The following MEP1B variants were observed in gnomAD, a reference collection of about 807,000 sequenced individuals.
MEP1B encodes meprin A subunit beta, also known as N-benzoyl-L-tyrosyl-P-amino-benzoic acid hydrolase subunit beta.
Under a neutral mutation model 84.6 loss-of-function variants are expected in MEP1B, and 80 were observed. The ratio of observed to expected loss-of-function variants is 0.95; its 90% CI spans 0.79 to 1.14. The LOEUF (loss-of-function observed/expected upper bound fraction) is 1.14. Among genes scored for constraint, MEP1B ranks in the 50% most tolerant of loss-of-function variants. The pLI is 0.00. For synonymous variants in MEP1B, 273 were observed against 288.1 expected (o/e 0.95, Z 0.53); for missense variants, 766 against 855.1 (o/e 0.90, Z 1.30).
rs2041138583 is a variant in MEP1B at position 32,220,353 on chromosome 18, T to C, written c.*108T>C. The stretch of plus-strand genomic sequence containing the variant: ...CCTCATTCTTCTAAAAGTGGATATT[T>C]TTCTGTAAATAGCTGGAAATATTAT... On this transcript the variant is annotated 3_prime_UTR_variant, in exon 15 of 15. Transcript: ENST00000269202. The C allele has an allele frequency of 3.9e-6, 4 of 1,014,734 alleles. No homozygotes were observed. The highest frequency in any genetic ancestry group is 5.9e-6 in the Non-Finnish European group (4 of 675,192). 62.9% of individuals were successfully genotyped at this position (1,014,734 alleles called of 1,614,324 possible). A position where few individuals can be genotyped will look rare whatever the true frequency, so the allele number is the denominator to read the frequency against.
intron 5 of MEP1B, among the ~76,000 whole-genome samples, chr18:32,199,663 CG>C (rs1555706011): frequency 0.069 from 8,914 of 129,252 alleles, 434 homozygotes; most frequent in African/African-American, 0.08. Flanking sequence ...TTTTTCCTTT[CG>C]TTCGTTCCTT....
rs370391909 is a variant in MEP1B, at chr18:32,192,757, T to C, written c.128-17T>C. 36 of 1,612,890 alleles carry C rather than the reference T, an allele frequency of 2.2e-5. No homozygotes were observed. Among genetic ancestry groups the C allele is most frequent in the Admixed American group, 6.7e-5 (4 of 59,980 alleles). Reference sequence around the variant, plus strand: ...TGAATCCAATTTGCTAACATGAATTTTTATCTTTACTCTTAGGTTTGGGAC... The same window carrying C: ...TGAATCCAATTTGCTAACATGAATTCTTATCTTTACTCTTAGGTTTGGGAC... On this transcript the variant is annotated splice_polypyrimidine_tract_variant and intron_variant, in intron 3 of 14. Transcript: ENST00000269202.
intron 12 of MEP1B, among the ~76,000 whole-genome samples, chr18:32,215,689 T>C (rs1357204042): frequency 6.6e-6 from 1 of 152,010 alleles, no homozygotes; most frequent in Non-Finnish European, 1.5e-5. Flanking sequence ...CTGGGCGTGG[T>C]GGCGGGCGCC....
rs117657956 is a variant in MEP1B, at chr18:32,203,334, T to C, written c.368+324T>C. Among the ~76,000 whole-genome samples the C allele has an allele frequency of 5.9e-3, 899 of 152,310 alleles. 4 individuals carry two copies. Among genetic ancestry groups the C allele is most frequent in the Admixed American group, 0.013 (204 of 15,300 alleles). On this transcript the variant is annotated intron_variant, in intron 6 of 14. Coordinates refer to ENST00000269202, the MANE Select transcript of MEP1B (RefSeq NM_005925.3). Reference sequence around the variant, plus strand: ...AAACATGTGTATTTATGTGTGTCCATGTCTGTGCTTAAGCTTATTTTAACC... The same window carrying C: ...AAACATGTGTATTTATGTGTGTCCACGTCTGTGCTTAAGCTTATTTTAACC...
intron 7 of MEP1B, among the ~76,000 whole-genome samples, chr18:32,205,832 T>C (rs1272712279): frequency 6.6e-6 from 1 of 152,174 alleles, no homozygotes; most frequent in Admixed American, 6.5e-5. Context: ...TACAGTGATA[T>C]TTTGACATGT....
In MEP1B at chr18:32,198,397, G is replaced by A. The variant is rs16962809; in HGVS notation, c.250+2912G>A. 8.5e-3 allele frequency among the ~76,000 whole-genome samples: 1,295 copies of A among 152,324 alleles called. 22 individuals carry two copies. The highest frequency in any genetic ancestry group is 0.029 in the African/African-American group (1,213 of 41,562). On this transcript the variant is annotated intron_variant, in intron 5 of 14. Transcript: ENST00000269202. ...CAAGTGGAGCTGATACCAGGTTTAC[G>A]TTCTTTCTGTTCACCAGGAGGCATT...
At chr18:32,197,639 C>G (rs191565839) in intron 5 of MEP1B, among the ~76,000 whole-genome samples, 211 of 152,188 alleles carry the variant, frequency 1.4e-3, no homozygotes, top group African/African-American at 4.7e-3. Context: ...AGGCTGGTCT[C>G]GAATTCCTGG....
intron 14 of MEP1B, among the ~76,000 whole-genome samples, chr18:32,219,666 A>T (rs1468221445): frequency 1.3e-5 from 2 of 152,226 alleles, no homozygotes; most frequent in African/African-American, 2.4e-5. Context: ...AAACTTGCTT[A>T]GCAAGTAAAA....
rs79769399 is a variant in MEP1B, at chr18:32,216,038, A to C, written c.1759+777A>C. 1.1e-3 allele frequency among the ~76,000 whole-genome samples: 159 copies of C among 146,030 alleles called. 2 individuals are homozygous for C. The East Asian group carries it at 0.028, about 26-fold the overall frequency. On this transcript the variant is annotated intron_variant, in intron 12 of 14. Coordinates refer to ENST00000269202, the MANE Select transcript of MEP1B (RefSeq NM_005925.3). ...TATATATCTTGACAGAAATGACATTAATCTCTTGTTAGACTAATGTTAAAT... is the reference window on the plus strand; with the variant it reads ...TATATATCTTGACAGAAATGACATTCATCTCTTGTTAGACTAATGTTAAAT...
rs1447020910 is a variant in MEP1B at position 32,217,959 on chromosome 18, G to A, written c.2085G>A (p.Pro695=). 6.8e-6 allele frequency: 11 copies of A among 1,613,540 alleles called. No individual in the cohort carries two copies. Among genetic ancestry groups the A allele is most frequent in the Admixed American group, 1.7e-5 (1 of 59,988 alleles). ...GCTCAAATCGACCAAATTTGACTCC[G>A]CAAAATGTAAGTTGAGGCTGATGTT... ...RMSSNRPNLT[P]QNQHAF Residue 695 remains proline (P), a synonymous_variant, in exon 14 of 15, where the codon CCG becomes CCA. Coordinates refer to ENST00000269202, the MANE Select transcript of MEP1B (RefSeq NM_005925.3).
rs202103722 is a variant in MEP1B at position 32,204,275 on chromosome 18, C to T, written c.462C>T (p.Phe154=). The change falls in exon 7 of 15, where the codon TTC becomes TTT. Residue 154 remains phenylalanine, a synonymous_variant. Transcript: ENST00000269202. ...CDRIATVQHE[F]LHALGFWHEQ... is the part of the protein sequence containing the mutation. ...GAATAGCAACAGTTCAACACGAGTTCCTCCACGCTCTGGGATTCTGGCATG... is the reference window on the plus strand; with the variant it reads ...GAATAGCAACAGTTCAACACGAGTTTCTCCACGCTCTGGGATTCTGGCATG... 1.2e-6 allele frequency: 2 copies of T among 1,603,592 alleles called. No homozygotes were observed. The highest frequency in any genetic ancestry group is 3.4e-5 in the Admixed American group (2 of 58,716).
intron 13 of MEP1B, among the ~76,000 whole-genome samples, chr18:32,217,538 C>G (rs531603231): frequency 3.4e-4 from 51 of 152,222 alleles, no homozygotes; most frequent in African/African-American, 1.1e-3. Context: ...CTTGGAGATA[C>G]TGTTTTAGTA....
chr18:32,209,171 T>G (rs980975506), intron 9 of MEP1B, among the ~76,000 whole-genome samples: 15 of 152,210 alleles, frequency 9.9e-5, no homozygotes, highest in African/African-American at 3.6e-4. Flanking sequence ...TAGTGGAAAC[T>G]AAGCGAATAC....
chr18:32,204,440 A>T, intron 7 of MEP1B, 80 bp downstream of exon 7: 7 of 1,225,884 alleles, frequency 5.7e-6, no homozygotes, highest in Non-Finnish European at 8.0e-6. Context: ...ATCTGTGGCA[A>T]CTGTTAATAA....
At chr18:32,193,601 G>A (rs773393911) in intron 4 of MEP1B, among the ~76,000 whole-genome samples, 23 of 152,174 alleles carry the variant, frequency 1.5e-4, no homozygotes, top group South Asian at 6.2e-4. Context: ...AAAGAAAGAA[G>A]GCAATTTGAG....
chr18:32,198,133 T>C (rs2040874410), intron 5 of MEP1B, among the ~76,000 whole-genome samples: 1 of 152,162 alleles, frequency 6.6e-6, no homozygotes, highest in Non-Finnish European at 1.5e-5. Context: ...GGCAGTAAAC[T>C]CAACCTGGAT....
rs748020879 is a variant in MEP1B at position 32,190,152 on chromosome 18, G to T, written c.63+19G>T. 6.9e-6 allele frequency: 11 copies of T among 1,598,104 alleles called. No homozygotes were observed. Among genetic ancestry groups the T allele is most frequent in the South Asian group, 2.3e-5 (2 of 88,464 alleles). The stretch of plus-strand genomic sequence containing the variant: ...TGGCTTGGTAAGGAAACAGTATATA[G>T]AAGATAATTTAAAAATTTTGGGGCA... On this transcript the variant is annotated intron_variant, in intron 1 of 14. Coordinates refer to ENST00000269202, the MANE Select transcript of MEP1B (RefSeq NM_005925.3).
In MEP1B at chr18:32,193,001, T is replaced by C. The variant is rs190427719; in HGVS notation, c.171+184T>C. Among the ~76,000 whole-genome samples, 19 of 152,274 alleles carry C rather than the reference T, an allele frequency of 1.2e-4. No individual in the cohort carries two copies. The East Asian group carries it at 3.3e-3, about 26-fold the overall frequency. On this transcript the variant is annotated intron_variant, in intron 4 of 14. Coordinates refer to ENST00000269202, the MANE Select transcript of MEP1B (RefSeq NM_005925.3). The stretch of plus-strand genomic sequence containing the variant: ...CAAAGAAATGCATATAATTGTGTCT[T>C]CATCTTTCATTACTCATATTTCTGT...
At chr18:32,199,867 G>A (rs968940531) in intron 5 of MEP1B, among the ~76,000 whole-genome samples, 1 of 152,092 alleles carries the variant, frequency 6.6e-6, no homozygotes, top group Admixed American at 6.5e-5. Context: ...GTAGAGATGG[G>A]GTTTCACCAG....
Sources: gnomAD v4.1 joint callset for allele counts (sites outside exome capture counted in the v4.1 genomes callset) on GRCh38, gnomAD v4.1.1 for gene constraint, MANE v1.5 for transcripts, NCBI Gene and HGNC (gene_info 2026-07-23, HGNC 2026-07-21) for gene names.